ZNF600: variants seen among roughly 807,000 people sequenced by gnomAD.
ZNF600 encodes zinc finger protein KR-ZNF1.
ZNF600 carries 4 observed loss-of-function variants against 7.3 expected under a neutral mutation model. The observed-to-expected ratio is 0.55, with a 90% confidence interval of 0.27 to 1.25. The LOEUF (loss-of-function observed/expected upper bound fraction) is 1.25, where lower values mean the gene tolerates loss of function less well. Among genes scored for constraint, ZNF600 ranks in the 50% most tolerant of loss-of-function variants. The pLI is 0.12. For synonymous variants in ZNF600, 290 were observed against 308.9 expected (o/e 0.94, Z 0.64); for missense variants, 911 against 922.1 (o/e 0.99, Z 0.16).
At chr19:52,821,929 T>A in the ZNF600 span, among the ~76,000 whole-genome samples, 53 of 92,152 alleles carry the variant, frequency 5.8e-4, no homozygotes, top group Non-Finnish European at 1.0e-3. Flanking sequence ...AATAAAAAAA[T>A]AATAAAAAAA....
the ZNF600 span, among the ~76,000 whole-genome samples, chr19:52,832,853 C>T: frequency 6.6e-6 from 1 of 152,002 alleles, no homozygotes; most frequent in East Asian, 1.9e-4. Context: ...CTTACTGTAA[C>T]CTCCACCTCC....
the ZNF600 span, among the ~76,000 whole-genome samples, chr19:52,832,503 A>G: frequency 0.014 from 2,061 of 151,924 alleles, 56 homozygotes; most frequent in African/African-American, 0.045. Flanking sequence ...GCTAAGGCAG[A>G]AGAATTGCTT....
chr19:52,813,148 G>A, the ZNF600 span, among the ~76,000 whole-genome samples: 4 of 147,342 alleles, frequency 2.7e-5, no homozygotes, highest in Admixed American at 7.0e-5. Flanking sequence ...TTAAAATGAC[G>A]CTACTCATAG....
exon 4 of ZNF600, chr19:52,766,425 T>C (rs140889768): frequency 1.2e-6 from 2 of 1,613,816 alleles, no homozygotes. Context: ...ACATTCTTCA[T>C]ATTTGTAAGG....
chr19:52,810,504 G>A, the ZNF600 span: 2 of 1,588,220 alleles, frequency 1.3e-6, no homozygotes, highest in Non-Finnish European at 1.7e-6. Flanking sequence ...CTATTTAGAG[G>A]AAGGCAAATC....
At chr19:52,826,129 A>G in the ZNF600 span, among the ~76,000 whole-genome samples, 2 of 152,178 alleles carry the variant, frequency 1.3e-5, no homozygotes, top group African/African-American at 4.8e-5. Context: ...TGCCTAAGTG[A>G]ACTTTCTTTG....
chr19:52,782,092 G>A (rs184843108), intron 1 of ZNF600, among the ~76,000 whole-genome samples: 54 of 151,992 alleles, frequency 3.6e-4, no homozygotes, highest in African/African-American at 1.2e-3. Context: ...GCCAGGCCTC[G>A]TGGGGCGTGC....
At chr19:52,766,733 C>G in exon 4 of ZNF600, 1 of 1,613,124 alleles carries the variant, frequency 6.2e-7, no homozygotes, top group East Asian at 2.2e-5. Context: ...GCTGAGAATT[C>G]CATGTGAAAG....
At chr19:52,815,307 G>T in the ZNF600 span, among the ~76,000 whole-genome samples, 1 of 143,148 alleles carries the variant, frequency 7.0e-6, no homozygotes, top group East Asian at 2.1e-4. Context: ...CCTGAAGACA[G>T]GAGTTCAACA....
the ZNF600 span, among the ~76,000 whole-genome samples, chr19:52,793,394 A>C: frequency 6.6e-6 from 1 of 152,174 alleles, no homozygotes; most frequent in African/African-American, 2.4e-5. Context: ...ATGGGACAGA[A>C]AGGCTGCTTA....
chr19:52,828,713 C>T, the ZNF600 span, among the ~76,000 whole-genome samples: 1 of 152,088 alleles, frequency 6.6e-6, no homozygotes, highest in African/African-American at 2.4e-5. Flanking sequence ...TGCAGGCTCC[C>T]TGGTCTGAAT....
At chr19:52,786,879 A>AG, upstream of ZNF600, 1 of 197,098 alleles carries the variant, frequency 5.1e-6, no homozygotes. Context: ...GAACCGGCAG[A>AG]GGGAGGGCCC....
the ZNF600 span, among the ~76,000 whole-genome samples, chr19:52,827,825 G>A: frequency 6.6e-6 from 1 of 151,758 alleles, no homozygotes; most frequent in African/African-American, 2.4e-5. Context: ...GATAACAGGC[G>A]TGAGCCACCG....
exon 4 of ZNF600, chr19:52,766,904 A>G (rs1220965835): frequency 6.2e-7 from 1 of 1,614,044 alleles, no homozygotes; most frequent in Admixed American, 1.7e-5. Context: ...TTGATTGCTG[A>G]TTAAAAGCTT....
the ZNF600 span, among the ~76,000 whole-genome samples, chr19:52,828,806 A>T: frequency 6.6e-6 from 1 of 152,196 alleles, no homozygotes; most frequent in East Asian, 1.9e-4. Flanking sequence ...AGATAATTTG[A>T]TCATGGGTGT....
the ZNF600 span, chr19:52,809,944 C>T: frequency 3.5e-6 from 3 of 850,422 alleles, no homozygotes; most frequent in East Asian, 5.3e-5. Flanking sequence ...GAGGTTGCCC[C>T]GGGGGGCGCA....
the ZNF600 span, among the ~76,000 whole-genome samples, chr19:52,811,161 C>A: frequency 2.0e-5 from 3 of 150,536 alleles, no homozygotes; most frequent in Non-Finnish European, 4.5e-5. Context: ...CCCGAGGTGC[C>A]GGGATTGCAG....
chr19:52,820,645 A>T, the ZNF600 span, among the ~76,000 whole-genome samples: 16,494 of 149,926 alleles, frequency 0.11, 706 homozygotes, highest in African/African-American at 0.23. Context: ...ACCCGGCTCC[A>T]CATCCCTCCT....
At chr19:52,824,665 A>G in the ZNF600 span, among the ~76,000 whole-genome samples, 3 of 152,060 alleles carry the variant, frequency 2.0e-5, no homozygotes, top group African/African-American at 7.2e-5. Flanking sequence ...TTTAAAGACG[A>G]AAATAAAGAA....
Sources: gnomAD v4.1 joint callset for allele counts (sites outside exome capture counted in the v4.1 genomes callset) on GRCh38, gnomAD v4.1.1 for gene constraint, MANE v1.5 for transcripts, NCBI Gene and HGNC (gene_info 2026-07-23, HGNC 2026-07-21) for gene names.